The following DAB1 variants were observed in gnomAD, a reference collection of about 807,000 sequenced individuals.
DAB1 encodes DAB adaptor protein 1.
Under a neutral mutation model 64.6 loss-of-function variants are expected in DAB1, and 15 were observed. The observed-to-expected ratio is 0.23, with a 90% CI of 0.16 to 0.36. The LOEUF is 0.36. Ranked by LOEUF, DAB1 falls within the 10% of genes least tolerant of loss-of-function variation. The pLI is 1.00. For missense variants in DAB1, 596 were observed against 706.7 expected, an observed-to-expected ratio of 0.84 and a Z score of 1.78; for synonymous variants, 235 against 251.9, an observed-to-expected ratio of 0.93 and a Z score of 0.64.
chr1:57,912,972 T>C (rs553077887), intron 5 of DAB1, among the ~76,000 whole-genome samples: 1 of 152,318 alleles, frequency 6.6e-6, no homozygotes, highest in African/African-American at 2.4e-5. Context: ...GAACATTCCA[T>C]GCTCATGGGT....
At chr1:57,226,677 AT>A (rs1553158279) in intron 2 of DAB1, among the ~76,000 whole-genome samples, 1 of 127,990 alleles carries the variant, frequency 7.8e-6, no homozygotes, top group Non-Finnish European at 1.7e-5. Flanking sequence ...AAAAAAATAT[AT>A]ATATATATAT....
chr1:58,451,098 T>A (rs1004026925), intron 3 of DAB1, among the ~76,000 whole-genome samples: 5 of 152,250 alleles, frequency 3.3e-5, no homozygotes, highest in Non-Finnish European at 5.9e-5. Context: ...AATTTAATTT[T>A]ATTTTTTCAG....
intron 4 of DAB1, among the ~76,000 whole-genome samples, chr1:58,223,676 G>A (rs190313133): frequency 1.1e-4 from 16 of 152,266 alleles, no homozygotes; most frequent in African/African-American, 1.9e-4. Context: ...GGTGGGGATC[G>A]GGGAGGCAGA....
intron 1 of DAB1, among the ~76,000 whole-genome samples, chr1:58,537,878 A>T (rs1646542283): frequency 6.6e-6 from 1 of 152,218 alleles, no homozygotes; most frequent in Admixed American, 6.5e-5. Flanking sequence ...GTGATCAACA[A>T]TAGTAACAAA....
chr1:57,172,006 C>T (rs1033233091), intron 2 of DAB1, among the ~76,000 whole-genome samples: 1 of 152,048 alleles, frequency 6.6e-6, no homozygotes, highest in African/African-American at 2.4e-5. Flanking sequence ...CTGGGAGCGA[C>T]ACTGTTTCAT....
chr1:57,512,671 T>C (rs1447953808), intron 7 of DAB1, among the ~76,000 whole-genome samples: 4 of 152,224 alleles, frequency 2.6e-5, no homozygotes, highest in African/African-American at 4.8e-5. Flanking sequence ...GGAAACTGTT[T>C]TGCTTTGTTT....
chr1:58,350,557 G>A (rs1644045660), intron 3 of DAB1, among the ~76,000 whole-genome samples: 2 of 152,150 alleles, frequency 1.3e-5, no homozygotes. Context: ...GAATGGTATT[G>A]CCTAGGTTTT....
chr1:58,340,344 A>T (rs1643913125), intron 4 of DAB1, among the ~76,000 whole-genome samples: 1 of 152,178 alleles, frequency 6.6e-6, no homozygotes, highest in Admixed American at 6.5e-5. Context: ...TAAGAGGGAA[A>T]TCTTGTCACC....
At chr1:57,678,211 C>A (rs1211512702) in intron 6 of DAB1, among the ~76,000 whole-genome samples, 2 of 152,012 alleles carry the variant, frequency 1.3e-5, no homozygotes, top group African/African-American at 4.8e-5. Flanking sequence ...ACATTTACTA[C>A]CATGCTGCAT....
intron 14 of DAB1, among the ~76,000 whole-genome samples, chr1:57,009,240 A>C (rs1646189957): frequency 3.9e-5 from 6 of 152,188 alleles, no homozygotes; most frequent in Admixed American, 3.9e-4. Context: ...CCTCGTGGGG[A>C]ATCATCCCAA....
intron 1 of DAB1, among the ~76,000 whole-genome samples, chr1:57,859,664 G>A (rs1557521284): frequency 6.6e-6 from 1 of 152,058 alleles, no homozygotes; most frequent in Non-Finnish European, 1.5e-5. Flanking sequence ...AGACTAACTA[G>A]TTTAACTACA....
intron 4 of DAB1, among the ~76,000 whole-genome samples, chr1:58,167,576 G>A (rs574722238): frequency 1.3e-5 from 2 of 152,232 alleles, no homozygotes; most frequent in Non-Finnish European, 2.9e-5. Flanking sequence ...GTGGCAACCT[G>A]CTTGGGTCCC....
At chr1:57,796,998 C>G (rs1650906154) in intron 6 of DAB1, among the ~76,000 whole-genome samples, 1 of 152,168 alleles carries the variant, frequency 6.6e-6, no homozygotes, top group Non-Finnish European at 1.5e-5. Context: ...CAACATTATG[C>G]CCCACTCACT....
intron 2 of DAB1, among the ~76,000 whole-genome samples, chr1:57,172,766 A>G (rs1661907813): frequency 6.6e-6 from 1 of 152,186 alleles, no homozygotes. Flanking sequence ...GTATGAAGCC[A>G]TTCTCAAGGA....
rs1291343562 is a variant in DAB1, at chr1:57,029,687, C to T, written c.724-3644G>A. On this transcript the variant is annotated intron_variant, in intron 9 of 14. Coordinates refer to ENST00000371236, the MANE Select transcript of DAB1 (RefSeq NM_001365792.1). ...TGTGAGACCTGGTGTCAAACAAGAT[C>T]ATTTTGGAGCTTTAAAATTTGACTG... is the stretch of plus-strand genomic sequence containing the variant. Among the ~76,000 whole-genome samples, 3 of 152,312 alleles carry T rather than the reference C, an allele frequency of 2.0e-5. No homozygotes were observed. In the East Asian group the frequency reaches 5.8e-4, roughly 29 times the overall value.
intron 3 of DAB1, among the ~76,000 whole-genome samples, chr1:58,486,641 A>T (rs1645580104): frequency 6.6e-6 from 1 of 152,210 alleles, no homozygotes; most frequent in Admixed American, 6.5e-5. Context: ...CAATAAACAA[A>T]TAAGGTAATT....
chr1:57,490,806 T>A (rs1174525906), intron 7 of DAB1, among the ~76,000 whole-genome samples: 1 of 152,220 alleles, frequency 6.6e-6, no homozygotes, highest in South Asian at 2.1e-4. Flanking sequence ...TCATATTAAG[T>A]GGACTTCAAT....
intron 6 of DAB1, among the ~76,000 whole-genome samples, chr1:57,817,635 G>T (rs1651929513): frequency 6.6e-6 from 1 of 152,172 alleles, no homozygotes. Flanking sequence ...TCTTCTGGCT[G>T]CCCCACTCAA....
intron 7 of DAB1, among the ~76,000 whole-genome samples, chr1:57,463,758 T>C (rs1215988979): frequency 2.0e-5 from 3 of 151,742 alleles, no homozygotes; most frequent in Non-Finnish European, 4.4e-5. Flanking sequence ...CATGCTCTTC[T>C]GCTCATTCAT....
Sources: gnomAD v4.1 joint callset for allele counts (sites outside exome capture counted in the v4.1 genomes callset) on GRCh38, gnomAD v4.1.1 for gene constraint, MANE v1.5 for transcripts, NCBI Gene and HGNC (gene_info 2026-07-23, HGNC 2026-07-21) for gene names.